Variants in SMARCAD1 observed in about 807,000 individuals in gnomAD.
SMARCAD1 encodes the protein SNF2 related chromatin remodeling ATPase with DExD box 1.
SMARCAD1 carries 25 observed loss-of-function variants against 127.1 expected under a neutral mutation model. The observed-to-expected ratio is 0.20, with a 90% CI of 0.14 to 0.27. The LOEUF (loss-of-function observed/expected upper bound fraction) is 0.27, where lower values mean the gene tolerates loss of function less well. Ranked by LOEUF, SMARCAD1 falls within the 10% of genes least tolerant of loss-of-function variation. The probability of loss-of-function intolerance (pLI) is 1.00; values close to 1 mark genes in which losing one functional copy is unlikely to be tolerated. For missense variants in SMARCAD1, 807 were observed against 1,206.0 expected, an observed-to-expected ratio of 0.67 and a Z score of 4.90; for synonymous variants, 400 against 396.9, an observed-to-expected ratio of 1.01 and a Z score of -0.09.
Position 94,290,332 on chromosome 4 carries a change from C to G in SMARCAD1, c.*798C>G. 1 of 454,442 alleles carries G rather than the reference C, an allele frequency of 2.2e-6. No individual in the cohort carries two copies. Among genetic ancestry groups the G allele is most frequent in the Non-Finnish European group, 4.4e-6 (1 of 226,748 alleles). The allele number at this position is 454,442 out of a possible 1,614,324, so 28.2% of individuals were successfully genotyped here. A position where few individuals can be genotyped will look rare whatever the true frequency, so the allele number is the denominator to read the frequency against. On this transcript the variant is annotated 3_prime_UTR_variant, in exon 24 of 24. Coordinates refer to ENST00000354268, the MANE Select transcript of SMARCAD1 (RefSeq NM_020159.5). ...TTTTGCTTCTCTTGAAACTGTTGCCCAGTCACTTCTGCTCCAATTCTCTTC... is the reference window on the plus strand; with the variant it reads ...TTTTGCTTCTCTTGAAACTGTTGCCGAGTCACTTCTGCTCCAATTCTCTTC...
At chr4:94,213,186 G>T in intron 2 of SMARCAD1, 1 of 1,071,834 alleles carries the variant, frequency 9.3e-7, no homozygotes. Context: ...AGTATGGTGT[G>T]ATAAAACCAT....
At chr4:94,268,713 C>G (rs1159658718) in intron 10 of SMARCAD1, among the ~76,000 whole-genome samples, 1 of 152,152 alleles carries the variant, frequency 6.6e-6, no homozygotes, top group Admixed American at 6.6e-5. Flanking sequence ...GGGCAAGTTA[C>G]TTAACTTCTG....
intron 11 of SMARCAD1, among the ~76,000 whole-genome samples, chr4:94,271,106 A>G (rs557899513): frequency 1.4e-4 from 21 of 152,328 alleles, no homozygotes; most frequent in Admixed American, 3.9e-4. Context: ...CTGTAATTCT[A>G]CCACTTAAAC....
chr4:94,280,570 C>T (rs776212715), intron 19 of SMARCAD1, 22 bp from the exon 20 acceptor site: 1 of 1,523,602 alleles, frequency 6.6e-7, no homozygotes, highest in South Asian at 1.2e-5. Flanking sequence ...TTGAAGTATA[C>T]TGTGTTTTGT....
rs766219199 is a variant in SMARCAD1 at position 94,249,714 on chromosome 4, G to A, written c.766G>A (p.Val256Ile). ...TAATTGGGAAAAGCAGGAAAGTATT[G>A]TACTGAAATTGCAAAAGGAATTTCC... The part of the protein sequence containing the change: ...SSNWEKQESI[V>I]LKLQKEFPNF... Residue 256 changes from valine (V) to isoleucine (I), a missense_variant, in exon 7 of 24, where the codon GTA (valine) becomes ATA (isoleucine). Around this residue, in one of 8 missense-constraint regions of SMARCAD1, gnomAD observed 257 missense variants for 303.4 expected, o/e 0.85. Transcript: ENST00000354268. 2 of 1,610,226 alleles carry A rather than the reference G, an allele frequency of 1.2e-6. No individual in the cohort carries two copies. The highest frequency in any genetic ancestry group is 1.1e-5 in the South Asian group (1 of 90,966).
In SMARCAD1 at chr4:94,249,718, T is replaced by G; in HGVS notation, c.770T>G (p.Leu257Arg). The G allele has an allele frequency of 6.2e-7, 1 of 1,610,202 alleles. No individual in the cohort carries two copies. The highest frequency in any genetic ancestry group is 1.7e-5 in the Admixed American group (1 of 59,988). ...TGGGAAAAGCAGGAAAGTATTGTAC[T>G]GAAATTGCAAAAGGAATTTCCCAAT... ...SNWEKQESIVLKLQKEFPNFD... is the reference protein window; with the variant it reads ...SNWEKQESIVRKLQKEFPNFD... The change falls in exon 7 of 24, where the codon CTG becomes CGG. Residue 257 changes from leucine to arginine, a missense_variant. Around this residue, in one of 8 missense-constraint regions of SMARCAD1, gnomAD observed 257 missense variants for 303.4 expected, o/e 0.85. Coordinates refer to ENST00000354268, the MANE Select transcript of SMARCAD1 (RefSeq NM_020159.5).
At chr4:94,257,527 A>G (rs1750287103) in intron 9 of SMARCAD1, among the ~76,000 whole-genome samples, 1 of 152,118 alleles carries the variant, frequency 6.6e-6, no homozygotes, top group African/African-American at 2.4e-5. Flanking sequence ...AAACAGTAAC[A>G]TGGTGGCAGT....
intron 3 of SMARCAD1, among the ~76,000 whole-genome samples, chr4:94,228,889 A>G (rs1419198306): frequency 6.6e-6 from 1 of 152,108 alleles, no homozygotes; most frequent in Non-Finnish European, 1.5e-5. Context: ...ACCTTTGAAG[A>G]TAATAGGCCA....
chr4:94,277,233 T>A, intron 16 of SMARCAD1, 74 bp downstream of exon 16: 1 of 1,546,612 alleles, frequency 6.5e-7, no homozygotes, highest in Non-Finnish European at 8.9e-7. Flanking sequence ...GTTAGGTCTC[T>A]TTTGTTGTTT....
Position 94,239,065 on chromosome 4 carries a change from TAA to T in SMARCAD1, c.605-1836_605-1835del, listed in dbSNP as rs544441048. Among the ~76,000 whole-genome samples, 12 of 152,276 alleles carry T rather than the reference TAA, an allele frequency of 7.9e-5. No homozygotes were observed. The East Asian group carries it at 2.1e-3, about 27-fold the overall frequency. On this transcript the variant is annotated intron_variant, in intron 5 of 23. Transcript: ENST00000354268. ...TGTTAAATGGCAAATTACAAGGAAA[TAA>T]AAAATTAGGATTTTCTGGTTTTTTA...
intron 23 of SMARCAD1, among the ~76,000 whole-genome samples, 173 bp from the exon 24 acceptor site, chr4:94,289,300 A>G (rs1755391813): frequency 6.6e-6 from 1 of 152,198 alleles, no homozygotes; most frequent in Non-Finnish European, 1.5e-5. Context: ...TAGAGGAAAT[A>G]GCCCTAATCT....
chr4:94,245,066 G>A (rs78480944), intron 6 of SMARCAD1, among the ~76,000 whole-genome samples: 1,595 of 152,280 alleles, frequency 0.01, 24 homozygotes, highest in African/African-American at 0.036. Flanking sequence ...GTTATGTGTG[G>A]CAGAAAATTG....
At chr4:94,258,423 G>A (rs1162924505) in intron 9 of SMARCAD1, among the ~76,000 whole-genome samples, 1 of 152,006 alleles carries the variant, frequency 6.6e-6, no homozygotes, top group East Asian at 1.9e-4. Context: ...CCAGAGTGCT[G>A]GGATTACCTG....
At chr4:94,253,824 C>T (rs1749657628) in intron 9 of SMARCAD1, among the ~76,000 whole-genome samples, 1 of 152,054 alleles carries the variant, frequency 6.6e-6, no homozygotes, top group Non-Finnish European at 1.5e-5. Flanking sequence ...TTGCTTCAAC[C>T]CTTACGTGGG....
rs184266956 is a variant in SMARCAD1, at chr4:94,253,644, G to T, written c.1281+637G>T. The T allele has an allele frequency of 2.5e-3, 2,609 of 1,030,250 alleles. 2 individuals carry two copies. Among genetic ancestry groups the T allele is most frequent in the Admixed American group, 4.5e-3 (89 of 19,806 alleles). 63.8% of individuals were successfully genotyped at this position (1,030,250 alleles called of 1,614,324 possible). On this transcript the variant is annotated intron_variant, in intron 9 of 23. Transcript: ENST00000354268. ...ATTTCTGGAAGCCTATAATTCAAGC[G>T]TTAGGTGAAGGGAAGGCATAAGCAC...
At chr4:94,234,474 G>C (rs1746328294) in intron 4 of SMARCAD1, among the ~76,000 whole-genome samples, 1 of 152,124 alleles carries the variant, frequency 6.6e-6, no homozygotes, top group Admixed American at 6.5e-5. Context: ...GGTTTTTAGT[G>C]GCATTTAGTG....
intron 14 of SMARCAD1, among the ~76,000 whole-genome samples, chr4:94,275,838 C>T (rs1191094040): frequency 7.1e-6 from 1 of 140,108 alleles, no homozygotes; most frequent in Non-Finnish European, 1.5e-5. Context: ...ACTCTGTCCC[C>T]CAGGCTAGAG....
At chr4:94,237,486 A>G (rs1746851848) in intron 5 of SMARCAD1, among the ~76,000 whole-genome samples, 3 of 136,378 alleles carry the variant, frequency 2.2e-5, no homozygotes, top group South Asian at 5.1e-4. Flanking sequence ...ATTTTTTTTA[A>G]CTTACACATA....
intron 19 of SMARCAD1, among the ~76,000 whole-genome samples, 177 bp downstream of exon 19, chr4:94,279,227 A>G (rs1399443850): frequency 6.6e-6 from 1 of 152,184 alleles, no homozygotes; most frequent in Non-Finnish European, 1.5e-5. Flanking sequence ...GCTCACTGCA[A>G]CTTCTGCCTC....
Sources: allele counts gnomAD v4.1 joint callset (sites outside exome capture counted in the v4.1 genomes callset), GRCh38; gene constraint gnomAD v4.1.1; regional missense constraint gnomAD v4.1.1; transcripts MANE v1.5; gene names NCBI Gene and HGNC (gene_info 2026-07-23, HGNC 2026-07-21).